The following BICD1 variants were observed in gnomAD, a reference collection of about 807,000 sequenced individuals.
BICD1 encodes the protein BICD cargo adaptor 1.
Under a neutral mutation model 92.5 loss-of-function variants are expected in BICD1, and 35 were observed. That is an observed-to-expected ratio of 0.38 (90% CI 0.29 to 0.50). The LOEUF (loss-of-function observed/expected upper bound fraction) is 0.50, where lower values mean the gene tolerates loss of function less well. Ranked by LOEUF, BICD1 falls within the 20% of genes least tolerant of loss-of-function variation. The pLI is 0.93. For missense variants in BICD1, 950 were observed against 1,189.8 expected (o/e 0.80, Z 2.97); for synonymous variants, 429 against 465.1 (o/e 0.92, Z 1.00).
rs1340858301 is a variant in BICD1, at chr12:32,382,986, G to A, written c.*5359G>A. 6.6e-6 allele frequency: 1 copy of A among 151,982 alleles called. No individual in the cohort carries two copies. Among genetic ancestry groups the A allele is most frequent in the Non-Finnish European group, 1.5e-5 (1 of 67,930 alleles). The allele number at this position is 151,982 out of a possible 1,614,324, so 9.4% of individuals were successfully genotyped here. A position where few individuals can be genotyped will look rare whatever the true frequency, so the allele number is the denominator to read the frequency against. On this transcript the variant is annotated 3_prime_UTR_variant, in exon 10 of 10. Coordinates refer to ENST00000652176, the MANE Select transcript of BICD1 (RefSeq NM_001714.4). ...AAAGCTCAATGGTTTGACTATGAGA[G>A]TCAAACAATTACTATTTGAAAATCT...
chr12:32,356,443 G>A (rs936043261), intron 8 of BICD1, among the ~76,000 whole-genome samples: 18 of 152,094 alleles, frequency 1.2e-4, no homozygotes, highest in Non-Finnish European at 2.9e-5. Flanking sequence ...TTTGAGTGCA[G>A]GAGTTCAAGA....
chr12:32,247,929 A>G (rs1295653419), intron 2 of BICD1, among the ~76,000 whole-genome samples: 1 of 151,182 alleles, frequency 6.6e-6, no homozygotes, highest in Non-Finnish European at 1.5e-5. Context: ...TACTAAAAAT[A>G]CAAAAATTAG....
intron 1 of BICD1, among the ~76,000 whole-genome samples, chr12:32,111,670 T>C (rs1264809421): frequency 4.0e-5 from 6 of 151,712 alleles, no homozygotes; most frequent in Non-Finnish European, 8.8e-5. Context: ...TGCGGTGGTG[T>C]GATCTCGGCT....
At chr12:32,223,148 C>G (rs990511525) in intron 2 of BICD1, among the ~76,000 whole-genome samples, 2 of 152,200 alleles carry the variant, frequency 1.3e-5, no homozygotes, top group Admixed American at 1.3e-4. Flanking sequence ...TTCTTTCCTT[C>G]GACCTCATAA....
At chr12:32,130,079 A>T (rs1413154740) in intron 1 of BICD1, among the ~76,000 whole-genome samples, 1 of 152,228 alleles carries the variant, frequency 6.6e-6, no homozygotes, top group Non-Finnish European at 1.5e-5. Flanking sequence ...GTCAGAGAGG[A>T]TTTGCAAGTA....
intron 1 of BICD1, among the ~76,000 whole-genome samples, chr12:32,148,377 C>G (rs1399556769): frequency 6.6e-6 from 1 of 152,174 alleles, no homozygotes; most frequent in Non-Finnish European, 1.5e-5. Context: ...TCTGGAGAGT[C>G]TGCCTTTGAG....
At chr12:32,290,676 C>G (rs1364343546) in intron 2 of BICD1, among the ~76,000 whole-genome samples, 1 of 152,322 alleles carries the variant, frequency 6.6e-6, no homozygotes, top group South Asian at 2.1e-4. Context: ...CATCCTCCAC[C>G]TTTTTGATGT....
rs1041756279 is a variant in BICD1 at position 32,337,002 on chromosome 12, G to C, written c.2253-497G>C. On this transcript the variant is annotated intron_variant, in intron 6 of 9. Transcript: ENST00000652176. This position sits in a 1 kb window ranked among gnomAD's most constrained non-coding sequence, Gnocchi z 4.7. ...CTCATGCCAGTAATCCCAGCACTTT[G>C]AGAGGCCAAGGTGGGAGGATCACTT... Among the ~76,000 whole-genome samples, 1 of 152,202 alleles carries C rather than the reference G, an allele frequency of 6.6e-6. No homozygotes were observed. The highest frequency in any genetic ancestry group is 2.1e-4 in the South Asian group (1 of 4,834).
At chr12:32,164,648 C>T (rs1943702425) in intron 1 of BICD1, among the ~76,000 whole-genome samples, 1 of 152,162 alleles carries the variant, frequency 6.6e-6, no homozygotes, top group Non-Finnish European at 1.5e-5. Context: ...ACCTGTCCCT[C>T]CCTATCTTTT....
chr12:32,338,939 C>T lies in BICD1; in HGVS notation c.2724C>T (p.His908=). Residue 908 remains histidine, a synonymous_variant, in exon 8 of 10, where the codon CAC becomes CAT. Transcript: ENST00000652176. ...PPSMSEFIQG[H]RLSKEKRLTV... ...CCATGAGTGAATTCATCCAAGGGCA[C>T]CGGCTCAGCAAGGAAAAAAGGTTAA... is the stretch of plus-strand genomic sequence containing the variant. 1 of 1,607,164 alleles carries T rather than the reference C, an allele frequency of 6.2e-7. No individual in the cohort carries two copies. Among genetic ancestry groups the T allele is most frequent in the Non-Finnish European group, 8.5e-7 (1 of 1,177,274 alleles).
intron 2 of BICD1, among the ~76,000 whole-genome samples, chr12:32,218,868 C>A (rs1367239441): frequency 6.6e-6 from 1 of 152,158 alleles, no homozygotes; most frequent in African/African-American, 2.4e-5. Flanking sequence ...CCAGCAGATA[C>A]ATTTTATTTT....
chr12:32,150,008 G>A (rs1259863347), intron 1 of BICD1, among the ~76,000 whole-genome samples: 2 of 152,210 alleles, frequency 1.3e-5, no homozygotes, highest in African/African-American at 2.4e-5. Flanking sequence ...GAAGGTGAAG[G>A]AAGACCAAAG....
chr12:32,334,434 C>A, intron 5 of BICD1, 82 bp from the exon 6 acceptor site: 3 of 1,334,384 alleles, frequency 2.2e-6, no homozygotes, highest in Non-Finnish European at 2.0e-6. Context: ...TATAAAAGAA[C>A]ATAATAGGCA....
chr12:32,271,036 A>AT (rs1192197292), intron 2 of BICD1, among the ~76,000 whole-genome samples: 1 of 152,182 alleles, frequency 6.6e-6, no homozygotes, highest in Non-Finnish European at 1.5e-5. Flanking sequence ...CCCCCAGGCA[A>AT]TTAGGCACCA....
intron 2 of BICD1, among the ~76,000 whole-genome samples, chr12:32,254,802 G>A (rs1293685128): frequency 6.6e-6 from 1 of 152,140 alleles, no homozygotes; most frequent in Non-Finnish European, 1.5e-5. Flanking sequence ...ATATAACCTT[G>A]CTTAAAAAGC....
chr12:32,334,466 A>G lies in BICD1; in HGVS notation c.2101-50A>G, dbSNP rs776564941. 3.2e-6 allele frequency: 5 copies of G among 1,546,522 alleles called. No homozygotes were observed. The South Asian group carries it at 6.3e-5, about 20-fold the overall frequency. ...GGCACAGCATGAAGCAATCTGTATGATGGATTTTCCTGATATGAAAATTGT... is the reference window on the plus strand; with the variant it reads ...GGCACAGCATGAAGCAATCTGTATGGTGGATTTTCCTGATATGAAAATTGT... On this transcript the variant is annotated intron_variant, in intron 5 of 9. Coordinates refer to ENST00000652176, the MANE Select transcript of BICD1 (RefSeq NM_001714.4).
At chr12:32,294,852 C>T (rs796679462) in intron 3 of BICD1, among the ~76,000 whole-genome samples, 3 of 151,756 alleles carry the variant, frequency 2.0e-5, no homozygotes, top group African/African-American at 7.2e-5. Context: ...GAGGCCGAGG[C>T]GGGTGGATCA....
In BICD1 at chr12:32,328,113, A is replaced by G; in HGVS notation, c.1658A>G (p.Asp553Gly). ...VTRSGSLKGP[D>G]DPRGLLSPRL... ...CGCAGTGGCAGCCTGAAAGGGCCCG[A>G]TGATCCCAGAGGACTTTTGTCCCCA... The change falls in exon 5 of 10, where the codon GAT becomes GGT. Residue 553 changes from aspartate to glycine, a missense_variant. Asp to Gly is a moderately conservative substitution (Grantham distance 94). This residue lies in a region of BICD1 where 309 missense variants were observed against 499.4 expected (regional missense o/e 0.62). Coordinates refer to ENST00000652176, the MANE Select transcript of BICD1 (RefSeq NM_001714.4). The surrounding 1 kb of genome is among the most constrained non-coding windows in gnomAD (Gnocchi z 4.4). The G allele has an allele frequency of 6.2e-7, 1 of 1,614,154 alleles. No homozygotes were observed.
At chr12:32,303,042 C>G (rs1592641000) in intron 3 of BICD1, among the ~76,000 whole-genome samples, 1 of 102,240 alleles carries the variant, frequency 9.8e-6, no homozygotes, top group African/African-American at 3.4e-5. Context: ...CCGAGTGATC[C>G]TCCCACCTCA....
Sources: gnomAD v4.1 joint callset for allele counts (sites outside exome capture counted in the v4.1 genomes callset) on GRCh38, gnomAD v4.1.1 for gene constraint, gnomAD v4.1.1 regional missense constraint, Gnocchi (gnomAD v3.1) non-coding constraint, MANE v1.5 for transcripts, NCBI Gene and HGNC (gene_info 2026-07-23, HGNC 2026-07-21) for gene names.